DENND4C: variants seen among roughly 807,000 people sequenced by gnomAD.
DENND4C encodes the protein DENN domain containing 4C.
DENND4C carries 108 observed loss-of-function variants against 203.0 expected under a neutral mutation model. The observed-to-expected ratio is 0.53, with a 90% CI of 0.46 to 0.62. DENND4C has a LOEUF of 0.62. Among genes scored for constraint, DENND4C ranks in the 20% least tolerant of loss-of-function variants. DENND4C has a pLI of 0.00. For synonymous variants in DENND4C, 871 were observed against 792.4 expected (o/e 1.10, Z -1.67); for missense variants, 2,481 against 2,301.2 (o/e 1.08, Z -1.60).
At chr9:19,334,089 G>A (rs555563687) in intron 17 of DENND4C, among the ~76,000 whole-genome samples, 1 of 152,124 alleles carries the variant, frequency 6.6e-6, no homozygotes, top group East Asian at 1.9e-4. Context: ...TTTTCCTCCA[G>A]GCTAGCATGC....
intron 1 of DENND4C, among the ~76,000 whole-genome samples, chr9:19,265,963 A>G (rs1588783976): frequency 6.6e-6 from 1 of 152,196 alleles, no homozygotes; most frequent in Non-Finnish European, 1.5e-5. Flanking sequence ...TCCTTTGGGT[A>G]TATACCCAGT....
chr9:19,357,282 T>TTAG lies in DENND4C; in HGVS notation c.4964+130_4964+131insGTA, dbSNP rs2132160708. ...GCATTTAAGAGTACATCTTAACTTA[T>TTAG]TACCACATAGTGTTTAACGAGCTAA... is the stretch of plus-strand genomic sequence containing the variant. On this transcript the variant is annotated intron_variant, in intron 27 of 32. Coordinates refer to ENST00000434457, the MANE Select transcript of DENND4C (RefSeq NM_001330640.2). 3 of 832,728 alleles carry TTAG rather than the reference T, an allele frequency of 3.6e-6. No individual in the cohort carries two copies. In the East Asian group the frequency reaches 8.1e-5, roughly 22 times the overall value. The allele number at this position is 832,728 out of a possible 1,614,324, so 51.6% of individuals were successfully genotyped here. A position where few individuals can be genotyped will look rare whatever the true frequency, so the allele number is the denominator to read the frequency against.
At chr9:19,253,497 A>G (rs529283666) in intron 1 of DENND4C, among the ~76,000 whole-genome samples, 1 of 152,360 alleles carries the variant, frequency 6.6e-6, no homozygotes, top group African/African-American at 2.4e-5. Context: ...TGACCCAGTC[A>G]ACATGACTTT....
intron 1 of DENND4C, among the ~76,000 whole-genome samples, chr9:19,245,370 G>C (rs1288085053): frequency 1.3e-5 from 2 of 151,742 alleles, no homozygotes; most frequent in East Asian, 3.9e-4. Context: ...GGGAGGCTGA[G>C]GCAGGAGAAT....
chr9:19,348,836 A>G (rs1216852041), intron 23 of DENND4C, among the ~76,000 whole-genome samples: 1 of 152,068 alleles, frequency 6.6e-6, no homozygotes, highest in East Asian at 1.9e-4. Flanking sequence ...TGAGACAGGC[A>G]CTTGCTCTGT....
Position 19,372,837 on chromosome 9 carries a change from G to T in DENND4C, c.*664G>T, listed in dbSNP as rs1337838793. The T allele has an allele frequency of 1.4e-5, 2 of 144,022 alleles. No homozygotes were observed. The highest frequency in any genetic ancestry group is 6.9e-5 in the Admixed American group (1 of 14,542). 8.9% of individuals were successfully genotyped at this position (144,022 alleles called of 1,614,324 possible). ...ATCACGCCACTGCAACTCCAGCTTG[G>T]GTGACAGAGTGAGACCGTCTCAAAA... On this transcript the variant is annotated 3_prime_UTR_variant, in exon 33 of 33. Transcript: ENST00000434457.
rs368719281 is a variant in DENND4C, at chr9:19,260,643, C to T, written c.-17-15515C>T. ...GAACTCCTCACCTAGGTGATCCACC[C>T]GCCTTGGTCTCCCAAAGTGCTGTAA... On this transcript the variant is annotated intron_variant, in intron 1 of 32. Transcript: ENST00000434457. 6.6e-5 allele frequency among the ~76,000 whole-genome samples: 10 copies of T among 152,120 alleles called. No individual in the cohort carries two copies. The East Asian group carries it at 9.6e-4, about 15-fold the overall frequency.
chr9:19,326,797 A>T (rs1246585517), intron 15 of DENND4C, among the ~76,000 whole-genome samples: 1 of 152,150 alleles, frequency 6.6e-6, no homozygotes, highest in Non-Finnish European at 1.5e-5. Context: ...TTCATCAGGT[A>T]GATTCTCTTT....
intron 2 of DENND4C, among the ~76,000 whole-genome samples, chr9:19,278,894 G>A (rs957298252): frequency 2.0e-5 from 3 of 152,030 alleles, no homozygotes; most frequent in Non-Finnish European, 4.4e-5. Context: ...TTGACTTTAA[G>A]GGAAGGGGAA....
chr9:19,355,268 A>G (rs1336889904), intron 26 of DENND4C, among the ~76,000 whole-genome samples: 1 of 152,084 alleles, frequency 6.6e-6, no homozygotes, highest in Non-Finnish European at 1.5e-5. Flanking sequence ...CTTGAATATT[A>G]TTGATATTAA....
At chr9:19,277,347 G>A (rs1833083472) in intron 2 of DENND4C, among the ~76,000 whole-genome samples, 1 of 151,966 alleles carries the variant, frequency 6.6e-6, no homozygotes, top group Non-Finnish European at 1.5e-5. Context: ...ATTGGTTTAG[G>A]TCTTCTTTAA....
At chr9:19,282,433 T>C (rs906653108) in intron 2 of DENND4C, among the ~76,000 whole-genome samples, 8 of 151,816 alleles carry the variant, frequency 5.3e-5, no homozygotes, top group African/African-American at 1.9e-4. Flanking sequence ...AATTTTCTTT[T>C]TGTAGAGATG....
At chr9:19,291,630 G>GGGAGACAGA (rs1564125077) in intron 5 of DENND4C, among the ~76,000 whole-genome samples, 1 of 151,114 alleles carries the variant, frequency 6.6e-6, no homozygotes, top group Non-Finnish European at 1.5e-5. Flanking sequence ...GCTTGAACCC[G>GGGAGACAGA]GGAGACAGAG....
Position 19,361,949 on chromosome 9 carries a change from C to T in DENND4C, c.5510C>T (p.Ser1837Leu), listed in dbSNP as rs771273148. The change falls in exon 30 of 33, where the codon TCA becomes TTA. Residue 1837 changes from serine to leucine, a missense_variant. Ser to Leu is a moderately radical substitution (Grantham distance 145). Coordinates refer to ENST00000434457, the MANE Select transcript of DENND4C (RefSeq NM_001330640.2). ...HQEPREPLYV[S>L]WRNFNSEKKS... ...GAACCAAGAGAACCTCTGTATGTCTCATGGAGGAATTTTAGTAAGTAAAAT... is the reference window on the plus strand; with the variant it reads ...GAACCAAGAGAACCTCTGTATGTCTTATGGAGGAATTTTAGTAAGTAAAAT... The T allele has an allele frequency of 1.3e-6, 2 of 1,586,484 alleles. No homozygotes were observed. The highest frequency in any genetic ancestry group is 1.7e-6 in the Non-Finnish European group (2 of 1,155,414).
chr9:19,341,311 CTTTT>C (rs5896841), intron 21 of DENND4C, among the ~76,000 whole-genome samples, 197 bp downstream of exon 21: 5 of 120,158 alleles, frequency 4.2e-5, no homozygotes, highest in Non-Finnish European at 3.4e-5. Flanking sequence ...TTCTTTCTTT[CTTTT>C]TTTTTTTTTT....
chr9:19,256,483 AT>A (rs1307871350), intron 1 of DENND4C, among the ~76,000 whole-genome samples: 1 of 151,208 alleles, frequency 6.6e-6, no homozygotes, highest in Admixed American at 6.6e-5. Context: ...CACCCGGCTA[AT>A]TTTGTACTTT....
chr9:19,279,399 G>A (rs984901169), intron 2 of DENND4C, among the ~76,000 whole-genome samples: 1 of 150,872 alleles, frequency 6.6e-6, no homozygotes, highest in African/African-American at 2.4e-5. Context: ...CAAGGGCCCG[G>A]TGTGGTGGTT....
intron 10 of DENND4C, among the ~76,000 whole-genome samples, chr9:19,308,953 C>A (rs1420259076): frequency 1.3e-5 from 2 of 152,046 alleles, no homozygotes; most frequent in South Asian, 2.1e-4. Flanking sequence ...CATGAATGAA[C>A]CTTGAAAACA....
intron 9 of DENND4C, among the ~76,000 whole-genome samples, chr9:19,304,514 C>G (rs1020721759): frequency 6.7e-6 from 1 of 149,100 alleles, no homozygotes; most frequent in African/African-American, 2.5e-5. Context: ...TGTCAAACAT[C>G]ACTGATGTTT....
Sources: allele counts gnomAD v4.1 joint callset (sites outside exome capture counted in the v4.1 genomes callset), GRCh38; gene constraint gnomAD v4.1.1; transcripts MANE v1.5; gene names NCBI Gene and HGNC (gene_info 2026-07-23, HGNC 2026-07-21).